PROX1: variants seen among roughly 807,000 people sequenced by gnomAD.
PROX1 encodes prospero homeobox protein 1.
In PROX1, 7 loss-of-function variants were observed where a neutral mutation model predicts 58.8. The observed-to-expected ratio is 0.12, with a 90% CI of 0.07 to 0.22. The LOEUF is 0.22. Among genes scored for constraint, PROX1 ranks in the 10% least tolerant of loss-of-function variants. The pLI, the probability that PROX1 is intolerant of heterozygous loss-of-function variation, is 1.00. For synonymous variants in PROX1, 350 were observed against 358.3 expected, an observed-to-expected ratio of 0.98 and a Z score of 0.26; for missense variants, 675 against 927.8, an observed-to-expected ratio of 0.73 and a Z score of 3.54.
Position 213,999,725 on chromosome 1 carries a change from C to A in PROX1, c.1725+1465C>A, listed in dbSNP as rs374338381. On this transcript the variant is annotated intron_variant, in intron 2 of 4. Coordinates refer to ENST00000366958, the MANE Select transcript of PROX1 (RefSeq NM_001270616.2). ...AGTTTTAGCTTGGTTGTTGATTTCA[C>A]TTGGACCTTTTGAAGATCTAAAATT... is the stretch of plus-strand genomic sequence containing the variant. Among the ~76,000 whole-genome samples the A allele has an allele frequency of 2.6e-5, 4 of 152,298 alleles. No homozygotes were observed. The East Asian group carries it at 5.8e-4, about 22-fold the overall frequency.
chr1:214,026,078 G>C lies in PROX1; in HGVS notation c.2029-9571G>C, dbSNP rs115212863. 3.8e-3 allele frequency among the ~76,000 whole-genome samples: 579 copies of C among 152,328 alleles called. 6 individuals are homozygous for C. Among genetic ancestry groups the C allele is most frequent in the African/African-American group, 0.013 (558 of 41,580 alleles). On this transcript the variant is annotated intron_variant, in intron 4 of 4. Transcript: ENST00000366958. ...TTTTTAAGATCTTAACAGTATCTGTGTAGTATCTCAGGGGGAGAGAATGAG... is the reference window on the plus strand; with the variant it reads ...TTTTTAAGATCTTAACAGTATCTGTCTAGTATCTCAGGGGGAGAGAATGAG...
Position 213,996,455 on chromosome 1 carries a change from G to T in PROX1, c.-67-14G>T. The T allele has an allele frequency of 1.3e-6, 2 of 1,483,866 alleles. No individual in the cohort carries two copies. Among genetic ancestry groups the T allele is most frequent in the Non-Finnish European group, 1.8e-6 (2 of 1,104,442 alleles). The allele number at this position is 1,483,866 out of a possible 1,614,324, so 91.9% of individuals were successfully genotyped here. A position where few individuals can be genotyped will look rare whatever the true frequency, so the allele number is the denominator to read the frequency against. On this transcript the variant is annotated splice_polypyrimidine_tract_variant and intron_variant, in intron 1 of 4. Transcript: ENST00000366958. Reference sequence around the variant, plus strand: ...AAGAAAATGATTCATCAGTCCTTTTGTTCTGTTGGCCAGGGTCCCGGGATT... The same window carrying T: ...AAGAAAATGATTCATCAGTCCTTTTTTTCTGTTGGCCAGGGTCCCGGGATT...
At chr1:213,999,423 C>T (rs1441082142) in intron 2 of PROX1, among the ~76,000 whole-genome samples, 1 of 152,204 alleles carries the variant, frequency 6.6e-6, no homozygotes. Flanking sequence ...TAGAGATTGA[C>T]ATTTTCATAT....
chr1:213,986,782 T>C (rs1340684508), upstream of PROX1, among the ~76,000 whole-genome samples: 2 of 152,198 alleles, frequency 1.3e-5, no homozygotes, highest in Admixed American at 1.3e-4. Flanking sequence ...TTAAAAGCCG[T>C]TTACTGTGCC....
At chr1:214,013,122 T>C (rs1328194601) in intron 4 of PROX1, among the ~76,000 whole-genome samples, 1 of 142,186 alleles carries the variant, frequency 7.0e-6, no homozygotes, top group Non-Finnish European at 1.5e-5. Flanking sequence ...AAATGTGTGA[T>C]AAATGAAGTT....
intron 1 of PROX1, among the ~76,000 whole-genome samples, chr1:213,990,892 T>C (rs921868561): frequency 6.6e-6 from 1 of 152,176 alleles, no homozygotes; most frequent in African/African-American, 2.4e-5. Flanking sequence ...TAAAGTAGAA[T>C]GAGCCTGTCA....
chr1:214,013,138 G>GGTGTGT (rs67603307), intron 4 of PROX1, among the ~76,000 whole-genome samples: 5 of 148,186 alleles, frequency 3.4e-5, no homozygotes, highest in African/African-American at 9.9e-5. Flanking sequence ...AAGTTTGGGT[G>GGTGTGT]GTGTGTGTGT....
At chr1:213,987,823 A>C (rs1328438537), upstream of PROX1, 3 of 148,866 alleles carry the variant, frequency 2.0e-5, no homozygotes, top group African/African-American at 7.4e-5. Context: ...TTTCCTCCCA[A>C]GTTCTCTTGC....
intron 2 of PROX1, among the ~76,000 whole-genome samples, chr1:214,001,804 A>G (rs1165838116): frequency 6.6e-6 from 1 of 152,088 alleles, no homozygotes; most frequent in African/African-American, 2.4e-5. Flanking sequence ...ATTAAAGACT[A>G]AAAGACTTTG....
At chr1:214,031,468 C>T (rs899235576) in intron 4 of PROX1, among the ~76,000 whole-genome samples, 2 of 152,142 alleles carry the variant, frequency 1.3e-5, no homozygotes, top group South Asian at 2.1e-4. Context: ...TGTCCAAAGG[C>T]AGGGCCTTCT....
At chr1:213,988,708 C>T (rs1662903153) in intron 1 of PROX1, 1 of 152,224 alleles carries the variant, frequency 6.6e-6, no homozygotes, top group African/African-American at 2.4e-5. Flanking sequence ...CTCCGCTCCT[C>T]CCAGTTCCTA....
chr1:213,995,571 G>A (rs1012693056), intron 1 of PROX1, among the ~76,000 whole-genome samples: 2 of 151,692 alleles, frequency 1.3e-5, no homozygotes, highest in Non-Finnish European at 2.9e-5. Context: ...TTAAACAGAA[G>A]GAAACTAGTC....
intron 4 of PROX1, among the ~76,000 whole-genome samples, chr1:214,033,128 G>A (rs1664715926): frequency 6.6e-6 from 1 of 152,074 alleles, no homozygotes; most frequent in South Asian, 2.1e-4. Flanking sequence ...TCTTGGTGTG[G>A]GCAGGGCTTC....
At position 214,005,224 on chromosome 1, in the gene PROX1, C is replaced by T. The variant is rs1359162940; in HGVS notation, c.1785C>T (p.Thr595=). The T allele has an allele frequency of 6.2e-7, 1 of 1,613,716 alleles. No individual in the cohort carries two copies. Among genetic ancestry groups the T allele is most frequent in the Non-Finnish European group, 8.5e-7 (1 of 1,179,728 alleles). The change falls in exon 3 of 5, where the codon ACC becomes ACT. Residue 595 remains threonine (T), a synonymous_variant. Coordinates refer to ENST00000366958, the MANE Select transcript of PROX1 (RefSeq NM_001270616.2). Reference sequence around the variant, plus strand: ...AAGCAAAGCTCATGTTTTTTTATACCCGTTATCCCAGCTCCAATATGCTGA... The same window carrying T: ...AAGCAAAGCTCATGTTTTTTTATACTCGTTATCCCAGCTCCAATATGCTGA... The part of the protein sequence containing the change: ...LKKAKLMFFY[T]RYPSSNMLKT...
In PROX1 at chr1:214,040,201, A is replaced by G. The variant is rs2102798835; in HGVS notation, c.*4367A>G. The G allele has an allele frequency of 1.3e-5, 2 of 152,306 alleles. No homozygotes were observed. The highest frequency in any genetic ancestry group is 6.8e-3 in the Middle Eastern group (2 of 294). The allele number at this position is 152,306 out of a possible 1,614,324, so 9.4% of individuals were successfully genotyped here. A position where few individuals can be genotyped will look rare whatever the true frequency, so the allele number is the denominator to read the frequency against. On this transcript the variant is annotated 3_prime_UTR_variant, in exon 5 of 5. Coordinates refer to ENST00000366958, the MANE Select transcript of PROX1 (RefSeq NM_001270616.2). Reference sequence around the variant, plus strand: ...TCTGTAGATCTGTTGGTTGTAAACCATCTATAAAACTAAAGCTAAAATGCT... The same window carrying G: ...TCTGTAGATCTGTTGGTTGTAAACCGTCTATAAAACTAAAGCTAAAATGCT...
chr1:214,026,230 G>A (rs528489168), intron 4 of PROX1, among the ~76,000 whole-genome samples: 6 of 152,242 alleles, frequency 3.9e-5, no homozygotes, highest in East Asian at 1.9e-4. Context: ...TTGCTTCATC[G>A]CGACCAATAA....
upstream of PROX1, chr1:213,986,341 G>A (rs1224332872): frequency 6.6e-6 from 1 of 152,154 alleles, no homozygotes; most frequent in Non-Finnish European, 1.5e-5. Flanking sequence ...TAACCTGACC[G>A]ACCTAATTTT....
intron 1 of PROX1, among the ~76,000 whole-genome samples, chr1:213,993,164 T>A (rs1663098448): frequency 6.6e-6 from 1 of 152,164 alleles, no homozygotes; most frequent in Non-Finnish European, 1.5e-5. Flanking sequence ...AAACTCTATA[T>A]AGACTTTCAC....
intron 4 of PROX1, among the ~76,000 whole-genome samples, chr1:214,019,120 G>A (rs1339676337): frequency 6.6e-6 from 1 of 152,162 alleles, no homozygotes; most frequent in Non-Finnish European, 1.5e-5. Context: ...AGAGCCACTG[G>A]CAGGTGACAA....
Sources: gnomAD v4.1 joint callset for allele counts (sites outside exome capture counted in the v4.1 genomes callset) on GRCh38, gnomAD v4.1.1 for gene constraint, MANE v1.5 for transcripts, NCBI Gene and HGNC (gene_info 2026-07-23, HGNC 2026-07-21) for gene names.